AK7: variants seen among roughly 807,000 people sequenced by gnomAD.
The protein encoded by AK7 is ATP-AMP transphosphorylase 7.
AK7 carries 78 observed loss-of-function variants against 96.6 expected under a neutral mutation model. The observed-to-expected ratio is 0.81, with a 90% CI of 0.67 to 0.97. The LOEUF (loss-of-function observed/expected upper bound fraction) is 0.97. AK7 is among the 50% of genes least tolerant of loss of function. The pLI, the probability that AK7 is intolerant of heterozygous loss-of-function variation, is 0.00. For missense variants in AK7, 855 were observed against 887.9 expected (o/e 0.96, Z 0.47); for synonymous variants, 302 against 317.2 (o/e 0.95, Z 0.51).
chr14:96,412,961 C>T (rs918870639), intron 4 of AK7, among the ~76,000 whole-genome samples: 11 of 152,166 alleles, frequency 7.2e-5, no homozygotes. Flanking sequence ...CAGCTGATGA[C>T]CTTATAAAAG....
At chr14:96,465,456 T>C (rs1170069882) in intron 12 of AK7, among the ~76,000 whole-genome samples, 1 of 147,254 alleles carries the variant, frequency 6.8e-6, no homozygotes, top group African/African-American at 2.6e-5. Context: ...GAGCGAAGAC[T>C]CCGTTTAAAA....
At chr14:96,409,087 ACT>A in intron 4 of AK7, 146 bp downstream of exon 4, 1 of 748,286 alleles carries the variant, frequency 1.3e-6, no homozygotes, top group Admixed American at 3.0e-5. Flanking sequence ...GAGTTTACTG[ACT>A]CTAAGCACAT....
At position 96,421,841 on chromosome 14, in the gene AK7, G is replaced by A. The variant is rs79690477; in HGVS notation, c.609+909G>A. Reference sequence around the variant, plus strand: ...AGGATGGTCTCGATCTCCTGAACTCGTGATCCGCCCGCCTGGAACTCCCAA... The same window carrying A: ...AGGATGGTCTCGATCTCCTGAACTCATGATCCGCCCGCCTGGAACTCCCAA... On this transcript the variant is annotated intron_variant, in intron 5 of 17. Transcript: ENST00000267584. Among the ~76,000 whole-genome samples the A allele has an allele frequency of 2.7e-3, 415 of 152,194 alleles. 2 individuals carry two copies. The highest frequency in any genetic ancestry group is 9.7e-3 in the African/African-American group (401 of 41,534).
At position 96,392,203 on chromosome 14, in the gene AK7, A is replaced by AC; in HGVS notation, c.52dup (p.Gln18ProfsTer22). The AC allele has an allele frequency of 6.2e-7, 1 of 1,613,740 alleles. No homozygotes were observed. On this transcript the variant is annotated frameshift_variant, in exon 1 of 18. Transcript: ENST00000267584. LOFTEE classifies it high-confidence loss of function. Reference sequence around the variant, plus strand: ...TGCTCTCACGGAGAAGGTTATCCGGACCCAGAGGGTGTTTATAAACCTGTT... The same window carrying AC: ...TGCTCTCACGGAGAAGGTTATCCGGACCCCAGAGGGTGTTTATAAACCTGTT...
At chr14:96,437,452 C>A (rs567887242) in intron 5 of AK7, among the ~76,000 whole-genome samples, 20 of 152,206 alleles carry the variant, frequency 1.3e-4, no homozygotes, top group African/African-American at 4.1e-4. Flanking sequence ...GAATTTCCAT[C>A]CTTGTGTTAA....
intron 12 of AK7, among the ~76,000 whole-genome samples, chr14:96,462,864 T>G (rs958415159): frequency 1.6e-4 from 25 of 152,078 alleles, no homozygotes; most frequent in Non-Finnish European, 1.3e-4. Context: ...TTGGCCAGGC[T>G]TGGTGGCTCA....
At chr14:96,465,455 C>T (rs1397825356) in intron 12 of AK7, among the ~76,000 whole-genome samples, 1 of 147,964 alleles carries the variant, frequency 6.8e-6, no homozygotes, top group African/African-American at 2.6e-5. Context: ...AGAGCGAAGA[C>T]TCCGTTTAAA....
chr14:96,487,890 G>A (rs774308990), intron 17 of AK7: 7 of 268,362 alleles, frequency 2.6e-5, no homozygotes, highest in Non-Finnish European at 4.3e-5. Flanking sequence ...AGTAAAAAAT[G>A]TATGTACTTT....
chr14:96,478,611 G>A lies in AK7; in HGVS notation c.1702G>A (p.Glu568Lys), dbSNP rs1431266663. 3 of 1,614,070 alleles carry A rather than the reference G, an allele frequency of 1.9e-6. No homozygotes were observed. Among genetic ancestry groups the A allele is most frequent in the Admixed American group, 1.7e-5 (1 of 60,000 alleles). ...CTACCGGGACATCAATATCGACGAT[G>A]AGACTGTCTTCAACTATTTTGATGA... ...SNYRDINIDD[E>K]TVFNYFDELE... The change falls in exon 15 of 18, where the codon GAG becomes AAG. Residue 568 changes from glutamate (E) to lysine (K), a missense_variant. Glu to Lys is a moderately conservative substitution (Grantham distance 56, BLOSUM62 1). Transcript: ENST00000267584.
In AK7 at chr14:96,483,164, G is replaced by A. The variant is rs1484637749; in HGVS notation, c.1919G>A (p.Arg640His). Residue 640 changes from arginine to histidine, a missense_variant, in exon 16 of 18, where the codon CGC becomes CAC. Arg to His is a conservative substitution (Grantham distance 29, BLOSUM62 0). Coordinates refer to ENST00000267584, the MANE Select transcript of AK7 (RefSeq NM_152327.5). ...AGGGAGGCTGCTGAGGAAGCAGAAC[G>A]CGAGCACCAGGAGGCCGTGGAGATG... ...LAREAAEEAE[R>H]EHQEAVEMAE... is the part of the protein sequence containing the mutation. 8.1e-6 allele frequency: 13 copies of A among 1,613,362 alleles called. No homozygotes were observed. The highest frequency in any genetic ancestry group is 2.7e-5 in the African/African-American group (2 of 74,928).
At chr14:96,416,288 G>A (rs780504595) in intron 4 of AK7, among the ~76,000 whole-genome samples, 7 of 151,980 alleles carry the variant, frequency 4.6e-5, no homozygotes, top group African/African-American at 9.7e-5. Flanking sequence ...TCAGGAGGCC[G>A]AGGCAGGAGA....
intron 11 of AK7, among the ~76,000 whole-genome samples, chr14:96,457,832 G>A (rs762363507): frequency 1.3e-5 from 2 of 152,178 alleles, no homozygotes; most frequent in Non-Finnish European, 2.9e-5. Flanking sequence ...ACATTAGAAA[G>A]ATGTTGGCTC....
At chr14:96,488,007 G>T (rs1399734660) in intron 17 of AK7, 1 of 408,146 alleles carries the variant, frequency 2.5e-6, no homozygotes, top group Non-Finnish European at 4.7e-6. Flanking sequence ...CCACCTCCCG[G>T]GTTCAAGTGA....
At chr14:96,479,845 C>T (rs558853137) in intron 15 of AK7, among the ~76,000 whole-genome samples, 92 of 152,284 alleles carry the variant, frequency 6.0e-4, no homozygotes, top group Non-Finnish European at 1.0e-3. Flanking sequence ...ACACCTTGGG[C>T]CTCCAGGGGC....
At chr14:96,467,119 A>G (rs1384678423) in intron 12 of AK7, among the ~76,000 whole-genome samples, 2 of 152,044 alleles carry the variant, frequency 1.3e-5, no homozygotes, top group South Asian at 2.1e-4. Context: ...TAGAGATTAC[A>G]TAAGAATTTT....
chr14:96,403,114 T>TAAATAAATAAATAAATAAA, intron 2 of AK7, among the ~76,000 whole-genome samples: 1 of 140,274 alleles, frequency 7.1e-6, no homozygotes, highest in Non-Finnish European at 1.5e-5. Context: ...AGACTCTGTC[T>TAAATAAATAAATAAATAAA]TAAATAAATA....
At chr14:96,403,966 G>A (rs1890557420) in intron 2 of AK7, among the ~76,000 whole-genome samples, 1 of 151,564 alleles carries the variant, frequency 6.6e-6, no homozygotes, top group Non-Finnish European at 1.5e-5. Context: ...CCAACATGGT[G>A]AAACCCCATC....
At chr14:96,473,203 C>T (rs1208241261) in intron 14 of AK7, among the ~76,000 whole-genome samples, 3 of 147,658 alleles carry the variant, frequency 2.0e-5, no homozygotes, top group African/African-American at 7.5e-5. Context: ...CTGAGTCTTG[C>T]CCTGTTGCCC....
chr14:96,416,261 C>T (rs1028184991), intron 4 of AK7, among the ~76,000 whole-genome samples: 1 of 151,976 alleles, frequency 6.6e-6, no homozygotes, highest in Non-Finnish European at 1.5e-5. Flanking sequence ...GTGGTGTATG[C>T]CTTTAATCCC....
Sources: allele counts gnomAD v4.1 joint callset (sites outside exome capture counted in the v4.1 genomes callset), GRCh38; gene constraint gnomAD v4.1.1; transcripts MANE v1.5; gene names NCBI Gene and HGNC (gene_info 2026-07-23, HGNC 2026-07-21).